Variants in CTNND2 observed in about 807,000 individuals in gnomAD.
CTNND2 encodes the protein catenin delta 2.
Under a neutral mutation model 144.4 loss-of-function variants are expected in CTNND2, and 22 were observed. That is an observed-to-expected ratio of 0.15 (90% confidence interval 0.11 to 0.22). The LOEUF is 0.22. Among genes scored for constraint, CTNND2 ranks in the 10% least tolerant of loss-of-function variants. CTNND2 has a pLI of 1.00. For synonymous variants in CTNND2, 751 were observed against 695.6 expected (o/e 1.08, Z -1.25); for missense variants, 1,353 against 1,618.8 (o/e 0.84, Z 2.82).
chr5:11,126,634 C>T (rs745777252), intron 12 of CTNND2, among the ~76,000 whole-genome samples: 4 of 152,114 alleles, frequency 2.6e-5, no homozygotes, highest in East Asian at 1.9e-4. Flanking sequence ...TGAGTAACCA[C>T]GATATCATCA....
In CTNND2 at chr5:10,978,628, A is replaced by G. The variant is rs61752679; in HGVS notation, c.3417+3145T>C. 4.1e-3 allele frequency among the ~76,000 whole-genome samples: 627 copies of G among 152,322 alleles called. 3 individuals are homozygous for G. Among genetic ancestry groups the G allele is most frequent in the Admixed American group, 9.7e-3 (149 of 15,308 alleles). The stretch of plus-strand genomic sequence containing the variant: ...GATGGTGGTCCTGAGCTATGAAGAT[A>G]GGACTCAGCTCTGCCGGGGGCTTGC... On this transcript the variant is annotated intron_variant, in intron 21 of 21. Coordinates refer to ENST00000304623, the MANE Select transcript of CTNND2 (RefSeq NM_001332.4).
intron 9 of CTNND2, among the ~76,000 whole-genome samples, chr5:11,302,226 T>C (rs770633671): frequency 6.6e-6 from 1 of 152,162 alleles, no homozygotes; most frequent in African/African-American, 2.4e-5. Flanking sequence ...GGAAGCGGGC[T>C]TGTGTTTTTC....
At chr5:11,481,119 G>A (rs1236614274) in intron 3 of CTNND2, among the ~76,000 whole-genome samples, 1 of 152,082 alleles carries the variant, frequency 6.6e-6, no homozygotes, top group East Asian at 1.9e-4. Flanking sequence ...CATTGGCAGG[G>A]GACTCACAGC....
intron 3 of CTNND2, among the ~76,000 whole-genome samples, chr5:11,504,984 C>G (rs984441728): frequency 5.3e-5 from 8 of 151,770 alleles, no homozygotes; most frequent in African/African-American, 1.5e-4. Flanking sequence ...TCTGAAGAGC[C>G]ATTCTCTCCC....
At position 11,397,225 on chromosome 5, in the gene CTNND2, G is replaced by A. The variant is rs767642731; in HGVS notation, c.440-22C>T. 16 of 1,609,468 alleles carry A rather than the reference G, an allele frequency of 9.9e-6. No homozygotes were observed. The South Asian group carries it at 1.4e-4, about 14-fold the overall frequency. ...GGCCCTGCATTGAAAGTCATTTAGA[G>A]CAGTCAGTGACAGTCTCAGTGAAGC... On this transcript the variant is annotated intron_variant, in intron 5 of 21. Transcript: ENST00000304623.
intron 2 of CTNND2, among the ~76,000 whole-genome samples, chr5:11,722,741 G>A (rs561981242): frequency 2.6e-5 from 4 of 152,072 alleles, no homozygotes; most frequent in African/African-American, 4.8e-5. Flanking sequence ...ACAGCAGGAG[G>A]GTAATTGCCC....
chr5:11,818,938 T>C (rs2126936869), intron 1 of CTNND2, among the ~76,000 whole-genome samples: 1 of 152,220 alleles, frequency 6.6e-6, no homozygotes, highest in South Asian at 2.1e-4. Flanking sequence ...GCACCATGTG[T>C]CTCAAAGACC....
intron 3 of CTNND2, among the ~76,000 whole-genome samples, chr5:11,505,178 A>G (rs1433468041): frequency 6.7e-6 from 1 of 149,990 alleles, no homozygotes; most frequent in Admixed American, 6.6e-5. Flanking sequence ...AAAATACGAC[A>G]AATGATAAGA....
Position 11,159,740 on chromosome 5 carries a change from G to C in CTNND2, c.1995C>G (p.Ser665=). Reference sequence around the variant, plus strand: ...TTGGCATTTTGAGTGCATCGCATGAGGAGAGGTTCCAAAGGACTCCTGCAA... The same window carrying C: ...TTGGCATTTTGAGTGCATCGCATGACGAGAGGTTCCAAAGGACTCCTGCAA... ...ELVTGVLWNL[S]SCDALKMPII... is the part of the protein sequence containing the mutation. Residue 665 remains serine, a synonymous_variant, in exon 12 of 22, where the codon TCC becomes TCG. Transcript: ENST00000304623. The C allele has an allele frequency of 6.2e-7, 1 of 1,602,682 alleles. No homozygotes were observed.
chr5:11,029,900 A>G (rs1264070978), intron 16 of CTNND2, among the ~76,000 whole-genome samples: 2 of 152,146 alleles, frequency 1.3e-5, no homozygotes, highest in Admixed American at 1.3e-4. Flanking sequence ...GTGTTCTTGC[A>G]TTTCAACATG....
At chr5:11,523,257 ATT>A (rs904155077) in intron 3 of CTNND2, among the ~76,000 whole-genome samples, 13 of 152,180 alleles carry the variant, frequency 8.5e-5, no homozygotes, top group Admixed American at 6.5e-4. Context: ...CAATAATGTT[ATT>A]TTGAAATAAC....
At chr5:11,395,446 G>A (rs1760007637) in intron 6 of CTNND2, among the ~76,000 whole-genome samples, 1 of 152,202 alleles carries the variant, frequency 6.6e-6, no homozygotes, top group East Asian at 1.9e-4. Flanking sequence ...TGCCAGGTAA[G>A]TGAGTCTACC....
At chr5:11,232,388 C>T (rs942252098) in intron 10 of CTNND2, among the ~76,000 whole-genome samples, 1 of 152,228 alleles carries the variant, frequency 6.6e-6, no homozygotes, top group Non-Finnish European at 1.5e-5. Context: ...CCCTGCAAAG[C>T]CATAGGGCAG....
At chr5:11,894,178 AGG>A in intron 1 of CTNND2, among the ~76,000 whole-genome samples, 1 of 151,596 alleles carries the variant, frequency 6.6e-6, no homozygotes, top group East Asian at 2.0e-4. Flanking sequence ...AAAGCCTCAC[AGG>A]TGCCAGACGC....
At chr5:11,010,643 A>C (rs1220401811) in intron 18 of CTNND2, among the ~76,000 whole-genome samples, 1 of 152,162 alleles carries the variant, frequency 6.6e-6, no homozygotes, top group African/African-American at 2.4e-5. Context: ...TCCTTCATCC[A>C]CTCTGATTTG....
At chr5:11,695,948 G>T (rs534921952) in intron 2 of CTNND2, among the ~76,000 whole-genome samples, 1 of 152,278 alleles carries the variant, frequency 6.6e-6, no homozygotes, top group East Asian at 1.9e-4. Flanking sequence ...AGTTCACACT[G>T]CCTGTAATGG....
Position 11,723,786 on chromosome 5 carries a change from G to C in CTNND2, c.174+8350C>G, listed in dbSNP as rs111883759. Reference sequence around the variant, plus strand: ...TATTACAGTTATTGGGCCGGGCGTGGTGGCTCATGTCTGTAATTCCAGCAG... The same window carrying C: ...TATTACAGTTATTGGGCCGGGCGTGCTGGCTCATGTCTGTAATTCCAGCAG... On this transcript the variant is annotated intron_variant, in intron 2 of 21. Coordinates refer to ENST00000304623, the MANE Select transcript of CTNND2 (RefSeq NM_001332.4). 8.4e-3 allele frequency among the ~76,000 whole-genome samples: 1,272 copies of C among 152,296 alleles called. 11 individuals are homozygous for C. Among genetic ancestry groups the C allele is most frequent in the Non-Finnish European group, 0.014 (984 of 68,038 alleles).
chr5:11,104,394 T>C (rs998733781), intron 14 of CTNND2, among the ~76,000 whole-genome samples: 13 of 152,250 alleles, frequency 8.5e-5, no homozygotes, highest in African/African-American at 3.1e-4. Context: ...TCAAGCAGGG[T>C]TTGGTTTAAT....
At chr5:11,547,733 AT>A (rs1249360214) in intron 3 of CTNND2, among the ~76,000 whole-genome samples, 2 of 152,204 alleles carry the variant, frequency 1.3e-5, no homozygotes, top group Non-Finnish European at 2.9e-5. Flanking sequence ...CACCAAAATA[AT>A]TAGGAAAATG....
Sources: allele counts gnomAD v4.1 joint callset (sites outside exome capture counted in the v4.1 genomes callset), GRCh38; gene constraint gnomAD v4.1.1; transcripts MANE v1.5; gene names NCBI Gene and HGNC (gene_info 2026-07-23, HGNC 2026-07-21).